Variants in PACRG observed in about 807,000 individuals in gnomAD.
PACRG encodes parkin coregulated, also known as parkin coregulated gene protein.
In PACRG, 29 loss-of-function variants were observed where a neutral mutation model predicts 29.7. That is an observed-to-expected ratio of 0.98 (90% CI 0.73 to 1.33). The LOEUF (loss-of-function observed/expected upper bound fraction) is 1.33. Ranked by LOEUF, PACRG falls within the 40% of genes most tolerant of loss-of-function variation. PACRG has a pLI of 0.00. For synonymous variants in PACRG, 116 were observed against 118.7 expected (o/e 0.98, Z 0.15); for missense variants, 279 against 316.2 (o/e 0.88, Z 0.89).
chr6:163,218,654 C>T (rs1197992321), intron 4 of PACRG, among the ~76,000 whole-genome samples: 1 of 152,188 alleles, frequency 6.6e-6, no homozygotes, highest in African/African-American at 2.4e-5. Flanking sequence ...CAACACTCAC[C>T]CCAACCATCT....
intron 3 of PACRG, among the ~76,000 whole-genome samples, chr6:163,065,496 G>A (rs572791389): frequency 6.6e-6 from 1 of 152,260 alleles, no homozygotes; most frequent in African/African-American, 2.4e-5. Flanking sequence ...GGGGCCAAGA[G>A]CAACCAGCAA....
intron 4 of PACRG, among the ~76,000 whole-genome samples, chr6:163,125,169 A>C (rs1264762191): frequency 1.3e-5 from 2 of 152,242 alleles, no homozygotes; most frequent in East Asian, 3.8e-4. Flanking sequence ...ATTATTTATT[A>C]AATGAAATTG....
chr6:163,034,467 T>C (rs373911797), intron 2 of PACRG, among the ~76,000 whole-genome samples: 1 of 152,164 alleles, frequency 6.6e-6, no homozygotes, highest in Non-Finnish European at 1.5e-5. Context: ...CCCTCCTAAA[T>C]TGGGCTTCTA....
intron 4 of PACRG, among the ~76,000 whole-genome samples, chr6:163,203,954 A>C (rs977671402): frequency 6.6e-6 from 1 of 152,236 alleles, no homozygotes; most frequent in Non-Finnish European, 1.5e-5. Context: ...ATCATGTTTT[A>C]ATTAGGATCC....
intron 4 of PACRG, among the ~76,000 whole-genome samples, chr6:163,266,718 C>A (rs917262173): frequency 6.6e-6 from 1 of 152,128 alleles, no homozygotes; most frequent in Non-Finnish European, 1.5e-5. Context: ...GCTTATGTGA[C>A]CCTCATCTGA....
intron 4 of PACRG, among the ~76,000 whole-genome samples, chr6:163,107,768 G>A (rs1183423601): frequency 6.6e-6 from 1 of 152,066 alleles, no homozygotes; most frequent in African/African-American, 2.4e-5. Flanking sequence ...GATTCCAAAT[G>A]TACAAGGACT....
At chr6:162,761,728 A>G (rs1473628677) in intron 1 of PACRG, among the ~76,000 whole-genome samples, 1 of 152,022 alleles carries the variant, frequency 6.6e-6, no homozygotes, top group East Asian at 1.9e-4. Flanking sequence ...CACGAGGTCA[A>G]GAGACCAAGA....
intron 2 of PACRG, among the ~76,000 whole-genome samples, chr6:162,824,823 G>A (rs188052595): frequency 3.3e-5 from 5 of 152,298 alleles, no homozygotes; most frequent in East Asian, 1.9e-4. Context: ...GGAAGAAACC[G>A]AAAGTCCTTT....
intron 2 of PACRG, among the ~76,000 whole-genome samples, chr6:162,925,617 G>T (rs1797377012): frequency 6.6e-6 from 1 of 152,138 alleles, no homozygotes; most frequent in African/African-American, 2.4e-5. Flanking sequence ...ATCCTTTCAT[G>T]TTAAAAACTC....
chr6:163,305,954 G>A (rs1785184758), intron 4 of PACRG, among the ~76,000 whole-genome samples: 1 of 152,102 alleles, frequency 6.6e-6, no homozygotes, highest in Non-Finnish European at 1.5e-5. Flanking sequence ...GATGACATGT[G>A]ATGCTTGGAC....
At chr6:163,092,834 TAGA>T (rs761649655) in intron 4 of PACRG, among the ~76,000 whole-genome samples, 1 of 152,208 alleles carries the variant, frequency 6.6e-6, no homozygotes, top group Non-Finnish European at 1.5e-5. Flanking sequence ...GTATATATTA[TAGA>T]AGAATATCAT....
At chr6:162,983,968 A>T (rs1233524075) in intron 2 of PACRG, among the ~76,000 whole-genome samples, 1 of 152,042 alleles carries the variant, frequency 6.6e-6, no homozygotes, top group Non-Finnish European at 1.5e-5. Flanking sequence ...CCTGTTTAAC[A>T]TAATCCCAAA....
chr6:162,779,177 C>T (rs1296709341), intron 1 of PACRG, among the ~76,000 whole-genome samples: 1 of 152,166 alleles, frequency 6.6e-6, no homozygotes, highest in African/African-American at 2.4e-5. Flanking sequence ...TACCAACTTC[C>T]AGCTCCATCC....
At chr6:162,938,011 C>T (rs1314460466) in intron 2 of PACRG, among the ~76,000 whole-genome samples, 2 of 151,998 alleles carry the variant, frequency 1.3e-5, no homozygotes, top group Non-Finnish European at 2.9e-5. Flanking sequence ...AAGTAGTATA[C>T]ATTGCACACA....
chr6:162,827,669 T>C (rs36069443), intron 2 of PACRG, among the ~76,000 whole-genome samples: 15,443 of 152,220 alleles, frequency 0.1, 929 homozygotes, highest in Middle Eastern at 0.17. Flanking sequence ...CTTGATGTCT[T>C]GTACTTTATA....
intron 2 of PACRG, among the ~76,000 whole-genome samples, chr6:162,877,888 C>A (rs1016754198): frequency 6.6e-6 from 1 of 152,152 alleles, no homozygotes; most frequent in South Asian, 2.1e-4. Context: ...ATTATAGTTA[C>A]CAATGAACAA....
At chr6:162,932,285 A>G (rs1797908466) in intron 2 of PACRG, among the ~76,000 whole-genome samples, 1 of 152,040 alleles carries the variant, frequency 6.6e-6, no homozygotes, top group Admixed American at 6.5e-5. Flanking sequence ...AGCATGAGAA[A>G]ACTTTTGGGG....
intron 4 of PACRG, among the ~76,000 whole-genome samples, chr6:163,292,602 A>ATTTATTTATTTATTTG (rs35254999): frequency 0.34 from 50,915 of 149,868 alleles, 9,118 homozygotes; most frequent in Middle Eastern, 0.43. Context: ...TTATTTATTT[A>ATTTATTTATTTATTTG]TTAGTAGAGA....
chr6:162,902,345 T>G (rs753520706), intron 2 of PACRG, among the ~76,000 whole-genome samples: 8 of 152,240 alleles, frequency 5.3e-5, no homozygotes, highest in Non-Finnish European at 1.0e-4. Context: ...TTTTACTGTT[T>G]TGTCTTAAAT....
Sources: gnomAD v4.1 joint callset for allele counts (sites outside exome capture counted in the v4.1 genomes callset) on GRCh38, gnomAD v4.1.1 for gene constraint, MANE v1.5 for transcripts, NCBI Gene and HGNC (gene_info 2026-07-23, HGNC 2026-07-21) for gene names.